Variants in CCNH observed in about 807,000 individuals in gnomAD.
The protein encoded by CCNH is cyclin-H.
CCNH carries 31 observed loss-of-function variants against 41.9 expected under a neutral mutation model. The ratio of observed to expected loss-of-function variants is 0.74; its 90% CI spans 0.56 to 1.00. CCNH has a LOEUF of 1.00. Among genes scored for constraint, CCNH ranks in the 50% least tolerant of loss-of-function variants. CCNH has a pLI of 0.00. For missense variants in CCNH, 362 were observed against 388.4 expected, an observed-to-expected ratio of 0.93 and a Z score of 0.57; for synonymous variants, 138 against 136.1, an observed-to-expected ratio of 1.01 and a Z score of -0.10.
intron 7 of CCNH, among the ~76,000 whole-genome samples, chr5:87,398,637 G>A (rs1405530061): frequency 6.6e-6 from 1 of 152,052 alleles, no homozygotes; most frequent in Non-Finnish European, 1.5e-5. Flanking sequence ...GACATTAAAG[G>A]TGTTCTTATG....
At chr5:87,366,509 A>G (rs1760528832) in intron 9 of CCNH, 1 of 203,062 alleles carries the variant, frequency 4.9e-6, no homozygotes, top group Non-Finnish European at 1.1e-5. Context: ...AGTAACAAGA[A>G]AGGAGTTTCT....
intron 9 of CCNH, among the ~76,000 whole-genome samples, chr5:87,362,323 T>C (rs989490206): frequency 6.6e-6 from 1 of 152,196 alleles, no homozygotes; most frequent in Non-Finnish European, 1.5e-5. Context: ...TTAGTTGTTC[T>C]TGGGATTGGC....
At chr5:87,362,731 G>A (rs918329271) in intron 9 of CCNH, 13 of 1,541,462 alleles carry the variant, frequency 8.4e-6, no homozygotes, top group South Asian at 1.1e-5. Flanking sequence ...ATGGAGCTCC[G>A]AACTTATTGT....
intron 9 of CCNH, among the ~76,000 whole-genome samples, chr5:87,348,360 G>C (rs1190242931): frequency 6.6e-6 from 1 of 151,896 alleles, no homozygotes; most frequent in Non-Finnish European, 1.5e-5. Context: ...ATCAAGTCCT[G>C]ATCTTTTCTG....
chr5:87,381,113 TATC>T (rs1761684195), upstream of CCNH, among the ~76,000 whole-genome samples: 1 of 152,174 alleles, frequency 6.6e-6, no homozygotes, highest in South Asian at 2.1e-4. Flanking sequence ...GGGACTTCAT[TATC>T]ATTATTCTAT....
chr5:87,348,286 TTAG>T (rs1256167911), intron 9 of CCNH, among the ~76,000 whole-genome samples: 2 of 152,034 alleles, frequency 1.3e-5, no homozygotes, highest in Non-Finnish European at 2.9e-5. Context: ...ATTGGAACTA[TTAG>T]TAATTTACCC....
At chr5:87,409,979 T>C (rs992845158) in intron 2 of CCNH, among the ~76,000 whole-genome samples, 1 of 152,112 alleles carries the variant, frequency 6.6e-6, no homozygotes, top group African/African-American at 2.4e-5. Context: ...AGTATTACTA[T>C]CTCTACAGAG....
intron 6 of CCNH, among the ~76,000 whole-genome samples, chr5:87,400,580 A>AAAG (rs3093822): frequency 0.012 from 1,810 of 152,300 alleles, 27 homozygotes; most frequent in African/African-American, 0.041. Flanking sequence ...CATCATTCTC[A>AAAG]AAGGAAGCCC....
At chr5:87,377,123 T>C in exon 1 of CCNH, 4 of 1,478,516 alleles carry the variant, frequency 2.7e-6, no homozygotes, top group East Asian at 2.3e-5. Context: ...TCTCTGAATA[T>C]ACTAAATTGT....
chr5:87,396,386 C>T (rs1293397192), intron 7 of CCNH, among the ~76,000 whole-genome samples: 1 of 152,142 alleles, frequency 6.6e-6, no homozygotes, highest in Non-Finnish European at 1.5e-5. Flanking sequence ...CTTTGGGAGG[C>T]TGAGGCGGGC....
chr5:87,333,185 T>G, intron 9 of CCNH: 1 of 1,545,844 alleles, frequency 6.5e-7, no homozygotes, highest in South Asian at 1.2e-5. Context: ...TGAATTTTTA[T>G]TGGCTTTATG....
At chr5:87,335,838 G>T (rs889124563) in intron 9 of CCNH, among the ~76,000 whole-genome samples, 18 of 152,168 alleles carry the variant, frequency 1.2e-4, no homozygotes, top group South Asian at 2.1e-4. Flanking sequence ...AATTATGCAT[G>T]GGTAAAAGAT....
At chr5:87,378,285 C>T (rs77608942), upstream of CCNH, 6,155 of 1,273,172 alleles carry the variant, frequency 4.8e-3, 77 homozygotes, top group African/African-American at 0.041. Flanking sequence ...ACGCAAAAAG[C>T]ACATTTAAGT....
At chr5:87,358,805 A>C (rs1759851486) in intron 9 of CCNH, among the ~76,000 whole-genome samples, 1 of 151,856 alleles carries the variant, frequency 6.6e-6, no homozygotes, top group South Asian at 2.1e-4. Flanking sequence ...CTGTATTATT[A>C]TTTGTAAATA....
intron 9 of CCNH, among the ~76,000 whole-genome samples, chr5:87,360,391 T>G (rs1323719316): frequency 6.6e-6 from 1 of 152,204 alleles, no homozygotes; most frequent in Non-Finnish European, 1.5e-5. Context: ...CCTAAAGTAC[T>G]GGGATTAAAG....
At chr5:87,410,393 G>GACATCTC (rs1174549489) in intron 2 of CCNH, among the ~76,000 whole-genome samples, 1 of 151,652 alleles carries the variant, frequency 6.6e-6, no homozygotes, top group African/African-American at 2.4e-5. Flanking sequence ...CTGAATCTTT[G>GACATCTC]ACATCTCAGA....
chr5:87,357,691 C>T (rs1973017), intron 9 of CCNH, among the ~76,000 whole-genome samples: 55,128 of 151,512 alleles, frequency 0.36, 10,296 homozygotes, highest in East Asian at 0.5. Context: ...GGAGACAGAA[C>T]GAGATTCCAT....
intron 9 of CCNH, among the ~76,000 whole-genome samples, chr5:87,358,496 C>T (rs1759826194): frequency 6.6e-6 from 1 of 152,186 alleles, no homozygotes; most frequent in African/African-American, 2.4e-5. Flanking sequence ...GAAGATCATA[C>T]TGACTCTGTC....
chr5:87,386,114 TC>T (rs1338048690), intron 9 of CCNH, among the ~76,000 whole-genome samples: 1 of 152,078 alleles, frequency 6.6e-6, no homozygotes, highest in African/African-American at 2.4e-5. Flanking sequence ...TATACTTTTT[TC>T]TTTTTTGCCA....
Sources: allele counts gnomAD v4.1 joint callset (sites outside exome capture counted in the v4.1 genomes callset), GRCh38; gene constraint gnomAD v4.1.1; transcripts MANE v1.5; gene names NCBI Gene and HGNC (gene_info 2026-07-23, HGNC 2026-07-21).